Variants in EYS observed in about 807,000 individuals in gnomAD.
The protein encoded by EYS is EGF-like photoreceptor maintenance factor.
In EYS, 250 loss-of-function variants were observed where a neutral mutation model predicts 282.1. The ratio of observed to expected loss-of-function variants is 0.89; its 90% CI spans 0.80 to 0.98. The LOEUF (loss-of-function observed/expected upper bound fraction) is 0.98, where lower values mean the gene tolerates loss of function less well. EYS is among the 50% of genes least tolerant of loss of function. EYS has a pLI of 0.00. For missense variants in EYS, 4,016 were observed against 3,709.0 expected (o/e 1.08, Z -2.15); for synonymous variants, 1,355 against 1,282.9 (o/e 1.06, Z -1.20).
At chr6:64,187,889 T>C (rs1204382536) in intron 31 of EYS, among the ~76,000 whole-genome samples, 1 of 152,118 alleles carries the variant, frequency 6.6e-6, no homozygotes, top group Non-Finnish European at 1.5e-5. Flanking sequence ...CAAATTATAA[T>C]AAATTTTGAA....
intron 5 of EYS, among the ~76,000 whole-genome samples, chr6:65,413,088 T>A (rs1176486830): frequency 6.6e-6 from 1 of 152,194 alleles, no homozygotes; most frequent in African/African-American, 2.4e-5. Flanking sequence ...GGTCTCCATG[T>A]TATGCTTCAG....
chr6:65,161,585 A>C (rs909720996), intron 12 of EYS, among the ~76,000 whole-genome samples: 1 of 151,186 alleles, frequency 6.6e-6, no homozygotes, highest in African/African-American at 2.4e-5. Context: ...ACAAAAGGAA[A>C]GATAAAGCAT....
At chr6:64,710,231 C>T (rs770349615) in intron 22 of EYS, among the ~76,000 whole-genome samples, 19 of 152,128 alleles carry the variant, frequency 1.2e-4, no homozygotes, top group Admixed American at 3.9e-4. Flanking sequence ...ACAATAAAAT[C>T]CATGTCTTCT....
intron 2 of EYS, among the ~76,000 whole-genome samples, chr6:65,542,814 T>C (rs1273191804): frequency 1.3e-5 from 2 of 152,142 alleles, no homozygotes; most frequent in East Asian, 3.9e-4. Context: ...ATGACTTGAA[T>C]TTTTTTAAAG....
intron 22 of EYS, among the ~76,000 whole-genome samples, chr6:64,799,020 A>T (rs1166177366): frequency 6.6e-6 from 1 of 151,798 alleles, no homozygotes. Context: ...TCTCCCAAAA[A>T]TTATTTTTCT....
intron 21 of EYS, among the ~76,000 whole-genome samples, chr6:64,817,997 C>A (rs1764790824): frequency 6.6e-6 from 1 of 152,122 alleles, no homozygotes; most frequent in African/African-American, 2.4e-5. Flanking sequence ...AGCACGAATT[C>A]TCTTATTTCT....
intron 31 of EYS, among the ~76,000 whole-genome samples, chr6:64,151,348 TA>T (rs1774719578): frequency 1.7e-5 from 2 of 117,396 alleles, no homozygotes; most frequent in African/African-American, 8.3e-5. Context: ...TATATATATA[TA>T]TATATATATA....
At chr6:65,401,648 T>TA (rs200112444) in intron 7 of EYS, among the ~76,000 whole-genome samples, 8 of 151,850 alleles carry the variant, frequency 5.3e-5, no homozygotes, top group African/African-American at 9.6e-5. Context: ...AAGGTTAATT[T>TA]AAAAAAAATC....
rs775263571 is a variant in EYS, at chr6:64,307,094, AG to A, written c.6079-13del. On this transcript the variant is annotated splice_polypyrimidine_tract_variant and intron_variant, in intron 29 of 42. Coordinates refer to ENST00000503581, the MANE Select transcript of EYS (RefSeq NM_001142800.2). ...ACTGGTACAGGCATCTGAGAGAGAG[AG>A]AGAGAGAGAGAAGTAGAGATAATTT... The A allele has an allele frequency of 2.4e-5, 27 of 1,136,196 alleles. No homozygotes were observed. Among genetic ancestry groups the A allele is most frequent in the Middle Eastern group, 1.9e-4 (1 of 5,152 alleles). 70.4% of individuals were successfully genotyped at this position (1,136,196 alleles called of 1,614,324 possible). A position where few individuals can be genotyped will look rare whatever the true frequency, so the allele number is the denominator to read the frequency against.
At chr6:63,896,104 G>C (rs1773532208) in intron 35 of EYS, among the ~76,000 whole-genome samples, 1 of 151,956 alleles carries the variant, frequency 6.6e-6, no homozygotes, top group African/African-American at 2.4e-5. Flanking sequence ...AGAAACACTT[G>C]GGCTGAAACA....
At chr6:65,377,470 G>C (rs980074665) in intron 8 of EYS, among the ~76,000 whole-genome samples, 10 of 151,958 alleles carry the variant, frequency 6.6e-5, no homozygotes, top group African/African-American at 2.4e-4. Context: ...AAGAAATAGA[G>C]AAGCAAGAGC....
rs1417162673 is a variant in EYS at position 64,590,861 on chromosome 6, A to G, written c.5006T>C (p.Val1669Ala). ...LCLDKTCLSI[V>A]PSQTISSDLM... Reference sequence around the variant, plus strand: ...GTCTGAAGAGATAGTTTGTGAAGGGACAATGGATAAACAAGTCTTATCCAA... The same window carrying G: ...GTCTGAAGAGATAGTTTGTGAAGGGGCAATGGATAAACAAGTCTTATCCAA... The change falls in exon 26 of 43, where the codon GTC (valine) becomes GCC (alanine). Residue 1669 changes from valine to alanine, a missense_variant. By Grantham distance (64) the Val-to-Ala change is moderately conservative. Coordinates refer to ENST00000503581, the MANE Select transcript of EYS (RefSeq NM_001142800.2). 1 of 1,550,782 alleles carries G rather than the reference A, an allele frequency of 6.4e-7. No individual in the cohort carries two copies. The highest frequency in any genetic ancestry group is 2.4e-5 in the East Asian group (1 of 40,892).
chr6:65,395,212 C>A (rs1402921738), intron 7 of EYS, among the ~76,000 whole-genome samples: 3 of 152,030 alleles, frequency 2.0e-5, no homozygotes, highest in Non-Finnish European at 4.4e-5. Context: ...TAAAGGCATG[C>A]GCCACCATGC....
chr6:64,712,954 A>G (rs572859322), intron 22 of EYS, among the ~76,000 whole-genome samples: 1 of 152,348 alleles, frequency 6.6e-6, no homozygotes, highest in Non-Finnish European at 1.5e-5. Context: ...AACTATTAGA[A>G]GAATGCATTC....
intron 15 of EYS, among the ~76,000 whole-genome samples, chr6:64,923,026 G>A (rs1768400029): frequency 6.6e-6 from 1 of 151,850 alleles, no homozygotes; most frequent in Non-Finnish European, 1.5e-5. Flanking sequence ...TTTTGGGGTG[G>A]GACTTTTCTT....
intron 36 of EYS, among the ~76,000 whole-genome samples, chr6:63,830,385 G>A (rs1771596199): frequency 6.6e-6 from 1 of 152,174 alleles, no homozygotes; most frequent in Admixed American, 6.5e-5. Flanking sequence ...ATGACCTGAT[G>A]GAGCTGAAAA....
intron 28 of EYS, among the ~76,000 whole-genome samples, chr6:64,389,683 A>G (rs907048166): frequency 9.2e-5 from 14 of 152,244 alleles, no homozygotes; most frequent in Admixed American, 5.9e-4. Context: ...AAGTTGGTAG[A>G]TGCACTATTC....
intron 33 of EYS, among the ~76,000 whole-genome samples, chr6:64,040,417 TAATC>T (rs751899714): frequency 3.9e-5 from 6 of 152,188 alleles, no homozygotes; most frequent in Non-Finnish European, 7.4e-5. Flanking sequence ...CTTCTGAAAA[TAATC>T]AATCTTGTGA....
chr6:64,507,447 T>C (rs989665097), intron 26 of EYS, among the ~76,000 whole-genome samples: 11 of 152,236 alleles, frequency 7.2e-5, no homozygotes, highest in Admixed American at 5.9e-4. Context: ...TTTTAAAAAT[T>C]GTCCATTCCC....
Sources: gnomAD v4.1 joint callset for allele counts (sites outside exome capture counted in the v4.1 genomes callset) on GRCh38, gnomAD v4.1.1 for gene constraint, MANE v1.5 for transcripts, NCBI Gene and HGNC (gene_info 2026-07-23, HGNC 2026-07-21) for gene names.